KIFC3: variants seen among roughly 807,000 people sequenced by gnomAD.
The protein encoded by KIFC3 is kinesin-like protein KIFC3.
In KIFC3, 60 loss-of-function variants were observed where a neutral mutation model predicts 101.8. That is an observed-to-expected ratio of 0.59 (90% confidence interval 0.48 to 0.73). KIFC3 has a LOEUF of 0.73. KIFC3 is among the 30% of genes least tolerant of loss of function. The pLI is 0.00. For missense variants in KIFC3, 966 were observed against 1,137.1 expected (o/e 0.85, Z 2.16); for synonymous variants, 476 against 482.7 (o/e 0.99, Z 0.18).
Position 57,761,559 on chromosome 16 carries a change from C to A in KIFC3, c.1749-23G>T. The A allele has an allele frequency of 1.9e-6, 3 of 1,608,018 alleles. No homozygotes were observed. In the South Asian group the frequency reaches 3.3e-5, roughly 18 times the overall value. The stretch of plus-strand genomic sequence containing the variant: ...TCCCTGGAGGGGCAGGTGAGACAGT[C>A]ACCCCCTCCTCCCATTTCCAGCTGC... On this transcript the variant is annotated intron_variant, in intron 13 of 19. Coordinates refer to ENST00000445690, the MANE Select transcript of KIFC3 (RefSeq NM_001130100.2).
intron 1 of KIFC3, among the ~76,000 whole-genome samples, chr16:57,855,653 G>A (rs188228773): frequency 2.1e-4 from 32 of 151,700 alleles, no homozygotes; most frequent in African/African-American, 7.7e-4. Flanking sequence ...ATAACATTAA[G>A]AGCAGAACTT....
intron 1 of KIFC3, among the ~76,000 whole-genome samples, chr16:57,800,768 G>T (rs1378300481): frequency 6.6e-6 from 1 of 152,194 alleles, no homozygotes; most frequent in African/African-American, 2.4e-5. Context: ...GGGGTGTGAA[G>T]GTCAAAAGTA....
rs1400913560 is a variant in KIFC3 at position 57,798,108 on chromosome 16, G to A, written c.136C>T (p.Pro46Ser). The A allele has an allele frequency of 7.6e-6, 12 of 1,588,848 alleles. No homozygotes were observed. Among genetic ancestry groups the A allele is most frequent in the Admixed American group, 5.2e-5 (3 of 57,242 alleles). Residue 46 changes from proline to serine, a missense_variant, in exon 2 of 20, where the codon CCT becomes TCT. Physicochemically the swap from Pro to Ser is moderately conservative, Grantham distance 74 (BLOSUM62 -1). Coordinates refer to ENST00000445690, the MANE Select transcript of KIFC3 (RefSeq NM_001130100.2). ...APAPASPAARPFPHTGPGRLR... is the reference protein window; with the variant it reads ...APAPASPAARSFPHTGPGRLR... Reference sequence around the variant, plus strand: ...CTCCCCGGGCCGGTGTGTGGGAAAGGGCGGGCGGCCGGGCTGGCTGGGGCT... The same window carrying A: ...CTCCCCGGGCCGGTGTGTGGGAAAGAGCGGGCGGCCGGGCTGGCTGGGGCT...
chr16:57,759,546 C>G, intron 18 of KIFC3, 182 bp downstream of exon 18: 1 of 590,516 alleles, frequency 1.7e-6, no homozygotes, highest in East Asian at 2.9e-5. Context: ...ACCTGCAGAA[C>G]GGACACAGCA....
At chr16:57,832,787 C>T (rs16959398) in intron 1 of KIFC3, among the ~76,000 whole-genome samples, 17,636 of 152,160 alleles carry the variant, frequency 0.12, 1,335 homozygotes, top group East Asian at 0.22. Context: ...TAAAGTCCAT[C>T]CTCTCCCATC....
intron 1 of KIFC3, among the ~76,000 whole-genome samples, chr16:57,823,547 A>G (rs12445904): frequency 0.045 from 6,790 of 152,308 alleles, 206 homozygotes; most frequent in Middle Eastern, 0.078. Flanking sequence ...TTTAGGAAAC[A>G]TACAGTGAAG....
At chr16:57,779,308 C>T (rs528156814) in intron 3 of KIFC3, 1 of 152,316 alleles carries the variant, frequency 6.6e-6, no homozygotes, top group South Asian at 2.1e-4. Context: ...GGACATTATA[C>T]TAAGTGAAAT....
intron 3 of KIFC3, chr16:57,791,094 G>A (rs920094963): frequency 8.2e-5 from 14 of 171,568 alleles, no homozygotes; most frequent in Non-Finnish European, 1.2e-4. Context: ...AAAATTAGCC[G>A]GGCGTGGTGC....
chr16:57,759,384 G>T, intron 18 of KIFC3: 1 of 603,774 alleles, frequency 1.7e-6, no homozygotes. Flanking sequence ...GGCACAGGGA[G>T]GGGGCTGCAG....
At chr16:57,805,871 TTGCCATGTTGGCCAGGC>T, upstream of KIFC3, among the ~76,000 whole-genome samples, 1 of 152,128 alleles carries the variant, frequency 6.6e-6, no homozygotes, top group South Asian at 2.1e-4. Context: ...AGACGGTGTT[TTGCCATGTTGGCCAGGC>T]TGCTTTCAAA....
intron 2 of KIFC3, among the ~76,000 whole-genome samples, chr16:57,795,944 A>C (rs1598141876): frequency 2.4e-5 from 3 of 122,664 alleles, no homozygotes; most frequent in Non-Finnish European, 4.7e-5. Flanking sequence ...CCCAGGCTGG[A>C]GTGCAGTGGT....
intron 1 of KIFC3, among the ~76,000 whole-genome samples, chr16:57,820,146 A>G (rs2055319434): frequency 6.6e-6 from 1 of 152,222 alleles, no homozygotes; most frequent in African/African-American, 2.4e-5. Context: ...GGCATGAGCC[A>G]TTGCACCCGG....
intron 3 of KIFC3, chr16:57,776,174 A>T (rs1274368802): frequency 1.0e-6 from 1 of 985,374 alleles, no homozygotes; most frequent in East Asian, 1.1e-4. Context: ...CTGCTGAGGA[A>T]AAGCGGGCTC....
Position 57,787,778 on chromosome 16 carries a change from G to T in KIFC3, c.315+7221C>A, listed in dbSNP as rs1002395124. Among the ~76,000 whole-genome samples the T allele has an allele frequency of 9.2e-5, 14 of 152,296 alleles. No individual in the cohort carries two copies. In the East Asian group the frequency reaches 2.1e-3, roughly 23 times the overall value. Reference sequence around the variant, plus strand: ...TGCCACTCGCTGCAGAGGAGTGCCTGGGCCCAGACAGGCCAGAACCCCAGA... The same window carrying T: ...TGCCACTCGCTGCAGAGGAGTGCCTTGGCCCAGACAGGCCAGAACCCCAGA... On this transcript the variant is annotated intron_variant, in intron 3 of 19. Transcript: ENST00000445690.
At chr16:57,848,284 G>A (rs2055979362) in intron 1 of KIFC3, among the ~76,000 whole-genome samples, 1 of 152,158 alleles carries the variant, frequency 6.6e-6, no homozygotes, top group Non-Finnish European at 1.5e-5. Context: ...ACAGAGAGTG[G>A]TTTAACTGGC....
chr16:57,816,300 G>A, intron 1 of KIFC3: 1 of 1,239,274 alleles, frequency 8.1e-7, no homozygotes, highest in Non-Finnish European at 1.1e-6. Flanking sequence ...AGGAAGTAAG[G>A]AAGTGCGGTG....
intron 1 of KIFC3, among the ~76,000 whole-genome samples, chr16:57,834,235 A>T (rs1207748335): frequency 5.9e-5 from 9 of 152,156 alleles, no homozygotes; most frequent in Admixed American, 5.9e-4. Context: ...TTGATGAAAA[A>T]TTGCAAAAGT....
At chr16:57,821,986 G>A (rs2149278208) in intron 1 of KIFC3, among the ~76,000 whole-genome samples, 1 of 152,292 alleles carries the variant, frequency 6.6e-6, no homozygotes, top group Non-Finnish European at 1.5e-5. Flanking sequence ...TGAGGTGAAA[G>A]GATCACTTGA....
At chr16:57,777,487 G>A (rs185153089) in intron 3 of KIFC3, among the ~76,000 whole-genome samples, 123 of 152,078 alleles carry the variant, frequency 8.1e-4, no homozygotes, top group African/African-American at 2.8e-3. Context: ...TTGGGAGGCC[G>A]AGGCAGGCGG....
Sources: allele counts gnomAD v4.1 joint callset (sites outside exome capture counted in the v4.1 genomes callset), GRCh38; gene constraint gnomAD v4.1.1; transcripts MANE v1.5; gene names NCBI Gene and HGNC (gene_info 2026-07-23, HGNC 2026-07-21).